Variants in MICAL3 observed in about 807,000 individuals in gnomAD.
MICAL3 encodes the protein [F-actin]-monooxygenase MICAL3.
MICAL3 carries 62 observed loss-of-function variants against 207.4 expected under a neutral mutation model. That is an observed-to-expected ratio of 0.30 (90% CI 0.24 to 0.37). MICAL3 has a LOEUF of 0.37. Ranked by LOEUF, MICAL3 falls within the 10% of genes least tolerant of loss-of-function variation. The pLI is 1.00. For missense variants in MICAL3, 2,368 were observed against 2,635.6 expected (o/e 0.90, Z 2.22); for synonymous variants, 1,077 against 1,069.3 (o/e 1.01, Z -0.14).
At chr22:17,810,666 C>T in intron 28 of MICAL3, 37 bp downstream of exon 28, 1 of 1,520,624 alleles carries the variant, frequency 6.6e-7, no homozygotes, top group South Asian at 1.1e-5. Flanking sequence ...CCAACCCTCC[C>T]ATGCATGTGC....
In MICAL3 at chr22:17,832,055, G is replaced by A. The variant is rs536164771; in HGVS notation, c.2854C>T (p.Arg952Cys). The A allele has an allele frequency of 5.6e-5, 89 of 1,598,544 alleles. 1 individual carries two copies. In the South Asian group the frequency reaches 8.4e-4, roughly 15 times the overall value. ...CCACCCAGGTCAGATGGGGGCAGGC[G>A]AGGCTCCTCCTCCTCCTCCTCTCCC... ...EEGEEEEEEP[R>C]LPPSDLGGVP... Residue 952 changes from arginine to cysteine, a missense_variant, in exon 21 of 32, where the codon CGC (arginine) becomes TGC (cysteine). This residue lies in a region of MICAL3 where 1,770 missense variants were observed against 1,863.2 expected (regional missense o/e 0.95). Coordinates refer to ENST00000441493, the MANE Select transcript of MICAL3 (RefSeq NM_015241.3).
chr22:17,906,885 A>T lies in MICAL3; in HGVS notation c.-73T>A. On this transcript the variant is annotated splice_region_variant and 5_prime_UTR_variant, in exon 2 of 32. Transcript: ENST00000441493. ...GGGTCCACCTGACACTGTCACGTTA[A>T]TCTGACAAAAAGAAAGAAAAACGTG... The T allele has an allele frequency of 7.1e-7, 1 of 1,413,502 alleles. No homozygotes were observed. Among genetic ancestry groups the T allele is most frequent in the Non-Finnish European group, 9.6e-7 (1 of 1,042,764 alleles). 87.6% of individuals were successfully genotyped at this position (1,413,502 alleles called of 1,614,324 possible).
In MICAL3 at chr22:17,887,370, A is replaced by C. The variant is rs780137201; in HGVS notation, c.1957T>G (p.Phe653Val). 51 of 1,613,860 alleles carry C rather than the reference A, an allele frequency of 3.2e-5. No individual in the cohort carries two copies. Among genetic ancestry groups the C allele is most frequent in the Middle Eastern group, 3.3e-4 (2 of 6,084 alleles). The change falls in exon 14 of 32, where the codon TTC becomes GTC. Residue 653 changes from phenylalanine to valine, a missense_variant. Phe to Val is a conservative substitution (Grantham distance 50). Transcript: ENST00000441493. ...ATGGTCTGGCCAAGTTTGCTTAGGA[A>C]GGAGATAGGGGATCTGGTGCTGGCT... ...LIASTRSPIS[F>V]LSKLGQTISR...
intron 22 of MICAL3, chr22:17,826,366 G>A: frequency 1.3e-6 from 1 of 761,258 alleles, no homozygotes; most frequent in Non-Finnish European, 1.6e-6. Flanking sequence ...ACTTGCAACA[G>A]GCCCAGGAGT....
intron 22 of MICAL3, among the ~76,000 whole-genome samples, chr22:17,825,204 C>T (rs757994568): frequency 2.6e-5 from 4 of 151,870 alleles, no homozygotes; most frequent in South Asian, 2.1e-4. Flanking sequence ...TAGAGTCAGG[C>T]GGGTGAGAAG....
At chr22:17,825,650 C>G (rs1922099163) in intron 22 of MICAL3, among the ~76,000 whole-genome samples, 1 of 152,218 alleles carries the variant, frequency 6.6e-6, no homozygotes, top group Non-Finnish European at 1.5e-5. Context: ...GAAGTGACCG[C>G]TAGGACAGTG....
At chr22:17,889,364 A>G in intron 12 of MICAL3, 134 bp from the exon 13 acceptor site, 1 of 579,836 alleles carries the variant, frequency 1.7e-6, no homozygotes, top group Non-Finnish European at 3.0e-6. Context: ...GACATTTGAG[A>G]GCAAACCTGT....
At chr22:17,792,762 T>G (rs890779326) in intron 29 of MICAL3, among the ~76,000 whole-genome samples, 3 of 152,154 alleles carry the variant, frequency 2.0e-5, no homozygotes, top group Admixed American at 1.3e-4. Context: ...CCCCTGAGCC[T>G]CCTCTGAAGG....
chr22:17,819,877 A>T (rs1203619031), intron 25 of MICAL3, among the ~76,000 whole-genome samples: 1 of 140,270 alleles, frequency 7.1e-6, no homozygotes, highest in African/African-American at 2.7e-5. Flanking sequence ...CGGGAGGTGG[A>T]GCTTGCAGTG....
At chr22:17,972,618 G>A (rs1344494646) in intron 1 of MICAL3, among the ~76,000 whole-genome samples, 2 of 152,102 alleles carry the variant, frequency 1.3e-5, no homozygotes, top group Non-Finnish European at 2.9e-5. Context: ...GTCAGGGTCC[G>A]GGGCTGGTCT....
intron 1 of MICAL3, among the ~76,000 whole-genome samples, chr22:17,976,042 G>A (rs879941568): frequency 2.2e-5 from 3 of 138,356 alleles, no homozygotes; most frequent in Non-Finnish European, 3.1e-5. Context: ...GAGCCAGACT[G>A]GGTCTCAAAA....
chr22:17,821,720 C>T (rs1183550377), intron 24 of MICAL3, among the ~76,000 whole-genome samples: 2 of 152,228 alleles, frequency 1.3e-5, no homozygotes, highest in Non-Finnish European at 2.9e-5. Context: ...GCAGGTGCTC[C>T]TGTCAACACC....
Position 17,999,402 on chromosome 22 carries a change from G to C in MICAL3, c.-75+24879C>G, listed in dbSNP as rs138332004. 7.2e-5 allele frequency among the ~76,000 whole-genome samples: 11 copies of C among 152,318 alleles called. No individual in the cohort carries two copies. The East Asian group carries it at 1.9e-3, about 27-fold the overall frequency. On this transcript the variant is annotated intron_variant, in intron 1 of 31. Coordinates refer to ENST00000441493, the MANE Select transcript of MICAL3 (RefSeq NM_015241.3). ...TCTGGAGAGCTGGAAGTTTGAGTGG[G>C]AGGAGGAATGGGGGGGACCTCATTA...
chr22:17,854,143 C>T (rs1187467098), intron 19 of MICAL3, among the ~76,000 whole-genome samples: 1 of 152,184 alleles, frequency 6.6e-6, no homozygotes, highest in Non-Finnish European at 1.5e-5. Flanking sequence ...TAGTCTAGAT[C>T]CGTGATTCTC....
chr22:17,832,392 G>GCTGCCTGTGGGTCTGGCCCAGCCT (rs1922896703), intron 20 of MICAL3, among the ~76,000 whole-genome samples: 1 of 152,214 alleles, frequency 6.6e-6, no homozygotes, highest in Non-Finnish European at 1.5e-5. Flanking sequence ...ACCACCGAAG[G>GCTGCCTGTGGGTCTGGCCCAGCCT]CTGCCTGTGG....
At chr22:18,009,285 G>A (rs1205769760) in intron 1 of MICAL3, among the ~76,000 whole-genome samples, 2 of 142,954 alleles carry the variant, frequency 1.4e-5, no homozygotes, top group Non-Finnish European at 3.0e-5. Flanking sequence ...TATAAACAGG[G>A]TTTTTCTGGA....
At chr22:17,822,310 C>A (rs954920038) in intron 23 of MICAL3, 140 bp from the exon 24 acceptor site, 29 of 1,123,560 alleles carry the variant, frequency 2.6e-5, no homozygotes, top group Non-Finnish European at 3.2e-5. Flanking sequence ...TACGCAGGGA[C>A]AGACCTGCCT....
intron 12 of MICAL3, among the ~76,000 whole-genome samples, chr22:17,889,770 G>GGGATATTT (rs1312917517): frequency 6.6e-6 from 1 of 152,166 alleles, no homozygotes; most frequent in Admixed American, 6.5e-5. Context: ...CTGTGCCACT[G>GGGATATTT]CCCTCTATCC....
chr22:17,899,337 T>C (rs1043009969), intron 7 of MICAL3, 111 bp downstream of exon 7: 6 of 757,204 alleles, frequency 7.9e-6, no homozygotes, highest in South Asian at 4.4e-5. Context: ...AGAAGATGCA[T>C]TCAGTGCTCA....
Sources: gnomAD v4.1 joint callset for allele counts (sites outside exome capture counted in the v4.1 genomes callset) on GRCh38, gnomAD v4.1.1 for gene constraint, gnomAD v4.1.1 regional missense constraint, MANE v1.5 for transcripts, NCBI Gene and HGNC (gene_info 2026-07-23, HGNC 2026-07-21) for gene names.